The following GIT2 variants were observed in gnomAD, a reference collection of about 807,000 sequenced individuals.
GIT2 encodes GIT ArfGAP 2.
In GIT2, 32 loss-of-function variants were observed where a neutral mutation model predicts 100.3. That is an observed-to-expected ratio of 0.32 (90% CI 0.24 to 0.43). The LOEUF is 0.43. Among genes scored for constraint, GIT2 ranks in the 20% least tolerant of loss-of-function variants. GIT2 has a pLI of 1.00. For synonymous variants in GIT2, 353 were observed against 364.1 expected, an observed-to-expected ratio of 0.97 and a Z score of 0.35; for missense variants, 737 against 975.1, an observed-to-expected ratio of 0.76 and a Z score of 3.25.
intron 7 of GIT2, among the ~76,000 whole-genome samples, chr12:109,972,758 T>C (rs1884206729): frequency 6.6e-6 from 1 of 152,164 alleles, no homozygotes; most frequent in Admixed American, 6.5e-5. Context: ...CCACTGCACC[T>C]GGCCTGATTT....
rs1405635312 is a variant in GIT2, at chr12:109,962,738, A to G, written c.817-1053T>C. Among the ~76,000 whole-genome samples, 1 of 152,270 alleles carries G rather than the reference A, an allele frequency of 6.6e-6. No homozygotes were observed. Among genetic ancestry groups the G allele is most frequent in the Non-Finnish European group, 1.5e-5 (1 of 68,048 alleles). On this transcript the variant is annotated intron_variant, in intron 9 of 19. Coordinates refer to ENST00000355312, the MANE Select transcript of GIT2 (RefSeq NM_057169.5). The surrounding 1 kb of genome is among the most constrained non-coding windows in gnomAD (Gnocchi z 4.3). The stretch of plus-strand genomic sequence containing the variant: ...GGAGGGCAGATGCTGAATCTGTTAT[A>G]TTCCCTATTGGGTTCCTTACATCCA...
chr12:109,956,997 G>A lies in GIT2; in HGVS notation c.1099+2850C>T, dbSNP rs113667093. On this transcript the variant is annotated intron_variant, in intron 12 of 19. Coordinates refer to ENST00000355312, the MANE Select transcript of GIT2 (RefSeq NM_057169.5). The stretch of plus-strand genomic sequence containing the variant: ...CGCGCCACTGCACTCCAGCCTGGGC[G>A]ACAGAGTGAGACTCGTCTCAAAAAA... Among the ~76,000 whole-genome samples, 370 of 149,572 alleles carry A rather than the reference G, an allele frequency of 2.5e-3. 1 individual carries two copies. Among genetic ancestry groups the A allele is most frequent in the African/African-American group, 7.9e-3 (320 of 40,596 alleles).
At chr12:109,966,504 G>A (rs1388491473) in intron 8 of GIT2, among the ~76,000 whole-genome samples, 1 of 77,868 alleles carries the variant, frequency 1.3e-5, no homozygotes, top group African/African-American at 5.5e-5. Flanking sequence ...GCAAGACTCT[G>A]TCTCAAAAAA....
rs1366408087 is a variant in GIT2 at position 109,934,218 on chromosome 12, C to T, written c.2004-133G>A. On this transcript the variant is annotated intron_variant, in intron 18 of 19. Transcript: ENST00000355312. This position sits in a 1 kb window ranked among gnomAD's most constrained non-coding sequence, Gnocchi z 4.5. ...TAGGGCTGCAGTCAGCCGTGCATCCCACACCACCAGAGGGCACATGGTTAT... is the reference window on the plus strand; with the variant it reads ...TAGGGCTGCAGTCAGCCGTGCATCCTACACCACCAGAGGGCACATGGTTAT... 3 of 658,424 alleles carry T rather than the reference C, an allele frequency of 4.6e-6. No individual in the cohort carries two copies. Among genetic ancestry groups the T allele is most frequent in the Non-Finnish European group, 8.5e-6 (3 of 355,000 alleles). The allele number at this position is 658,424 out of a possible 1,614,324, so 40.8% of individuals were successfully genotyped here.
rs1888445486 is a variant in GIT2 at position 109,991,765 on chromosome 12, A to G, written c.53-5T>C. The G allele has an allele frequency of 1.2e-6, 2 of 1,610,372 alleles. No individual in the cohort carries two copies. The highest frequency in any genetic ancestry group is 1.3e-5 in the African/African-American group (1 of 74,932). ...TTACTGATGCCCAGGAAGGATCTGG[A>G]AAGAGAGTGAAATCTCAGTGGCAGG... On this transcript the variant is annotated splice_polypyrimidine_tract_variant and splice_region_variant and intron_variant, in intron 1 of 19. Transcript: ENST00000355312.
chr12:109,934,179 C>A lies in GIT2; in HGVS notation c.2004-94G>T. 1 of 768,712 alleles carries A rather than the reference C, an allele frequency of 1.3e-6. No individual in the cohort carries two copies. The highest frequency in any genetic ancestry group is 2.4e-6 in the Non-Finnish European group (1 of 421,072). The allele number at this position is 768,712 out of a possible 1,614,324, so 47.6% of individuals were successfully genotyped here. On this transcript the variant is annotated intron_variant, in intron 18 of 19. Transcript: ENST00000355312. This position sits in a 1 kb window ranked among gnomAD's most constrained non-coding sequence, Gnocchi z 4.5. Reference sequence around the variant, plus strand: ...CTAGAACAGATTCTGTTTACATTCCCTTCATGAAGGGGCTAGGGCTGCAGT... The same window carrying A: ...CTAGAACAGATTCTGTTTACATTCCATTCATGAAGGGGCTAGGGCTGCAGT...
intron 4 of GIT2, 65 bp from the exon 5 acceptor site, chr12:109,983,759 G>C: frequency 1.0e-6 from 1 of 956,992 alleles, no homozygotes; most frequent in Non-Finnish European, 1.7e-6. Context: ...TCCTAGGGCA[G>C]CTGATAGACC....
At chr12:109,935,097 C>A (rs11068957) in intron 18 of GIT2, among the ~76,000 whole-genome samples, 1 of 151,876 alleles carries the variant, frequency 6.6e-6, no homozygotes, top group African/African-American at 2.4e-5. Flanking sequence ...AAAAGACTGC[C>A]TACATTTTAA....
chr12:109,945,347 G>T lies in GIT2; in HGVS notation c.1644C>A (p.Ile548=). ...RMRLQPFPAH[I]GRSALVTSSS... Reference sequence around the variant, plus strand: ...AGGAGGTCACAAGTGCACTCCTCCCGATCTGGAATGGGAAAGAGAAACACA... The same window carrying T: ...AGGAGGTCACAAGTGCACTCCTCCCTATCTGGAATGGGAAAGAGAAACACA... The change falls in exon 16 of 20, where the codon ATC becomes ATA. Residue 548 remains isoleucine, a splice_region_variant and synonymous_variant. Coordinates refer to ENST00000355312, the MANE Select transcript of GIT2 (RefSeq NM_057169.5). 6.9e-7 allele frequency: 1 copy of T among 1,448,064 alleles called. No homozygotes were observed. The highest frequency in any genetic ancestry group is 9.7e-7 in the Non-Finnish European group (1 of 1,030,120). The allele number at this position is 1,448,064 out of a possible 1,614,324, so 89.7% of individuals were successfully genotyped here. A position where few individuals can be genotyped will look rare whatever the true frequency, so the allele number is the denominator to read the frequency against.
chr12:109,937,113 G>A (rs1873259368), intron 18 of GIT2, among the ~76,000 whole-genome samples: 1 of 152,146 alleles, frequency 6.6e-6, no homozygotes, highest in Non-Finnish European at 1.5e-5. Context: ...CTTTTTCTCT[G>A]AGGAGCTTCC....
At chr12:109,965,994 GTTTTTT>G (rs752096162) in intron 8 of GIT2, among the ~76,000 whole-genome samples, 1 of 122,422 alleles carries the variant, frequency 8.2e-6, no homozygotes, top group African/African-American at 3.0e-5. Flanking sequence ...GGTCAGGGTT[GTTTTTT>G]TTTTTTTTTT....
At chr12:109,966,659 AAAAACAAAAC>A (rs915836512) in intron 8 of GIT2, among the ~76,000 whole-genome samples, 4 of 152,104 alleles carry the variant, frequency 2.6e-5, no homozygotes, top group Non-Finnish European at 5.9e-5. Flanking sequence ...CAAAGCAAAA[AAAAACAAAAC>A]AAAACAAAAC....
At chr12:109,965,810 C>G (rs569314393) in intron 8 of GIT2, 2 of 658,082 alleles carry the variant, frequency 3.0e-6, no homozygotes, top group Non-Finnish European at 5.7e-6. Context: ...AAAAAAAAAT[C>G]GTCCACCAAC....
intron 17 of GIT2, chr12:109,938,900 A>G (rs1873803494): frequency 2.0e-6 from 1 of 488,842 alleles, no homozygotes; most frequent in African/African-American, 1.9e-5. Context: ...TGTTGTCTTC[A>G]TGATGAAGTG....
At chr12:109,959,436 C>A (rs1169027556) in intron 12 of GIT2, among the ~76,000 whole-genome samples, 1 of 152,062 alleles carries the variant, frequency 6.6e-6, no homozygotes, top group Non-Finnish European at 1.5e-5. Flanking sequence ...TTTCAGGATG[C>A]AATTTTACAG....
intron 16 of GIT2, among the ~76,000 whole-genome samples, chr12:109,942,541 T>C (rs7314356): frequency 0.19 from 28,614 of 152,090 alleles, 4,964 homozygotes; most frequent in African/African-American, 0.47. Context: ...ACTGTGTTGC[T>C]CAGGATGGTC....
chr12:109,966,439 G>A (rs1355691609), intron 8 of GIT2, among the ~76,000 whole-genome samples: 1 of 149,114 alleles, frequency 6.7e-6, no homozygotes, highest in African/African-American at 2.5e-5. Context: ...AACCTGGGAG[G>A]TGGAGGTTGC....
intron 4 of GIT2, among the ~76,000 whole-genome samples, chr12:109,984,551 A>G (rs1886970122): frequency 6.6e-6 from 1 of 152,088 alleles, no homozygotes; most frequent in Non-Finnish European, 1.5e-5. Context: ...GGCTCAAGCA[A>G]TCCTTCCACC....
At chr12:109,993,752 TA>T (rs575103800) in intron 1 of GIT2, among the ~76,000 whole-genome samples, 237 of 152,250 alleles carry the variant, frequency 1.6e-3, no homozygotes, top group African/African-American at 5.4e-3. Context: ...GGGAAATACT[TA>T]AAACATTGAA....
Sources: allele counts gnomAD v4.1 joint callset (sites outside exome capture counted in the v4.1 genomes callset), GRCh38; gene constraint gnomAD v4.1.1; non-coding constraint Gnocchi (gnomAD v3.1); transcripts MANE v1.5; gene names NCBI Gene and HGNC (gene_info 2026-07-23, HGNC 2026-07-21).